The following CCL17 variants were observed in gnomAD, a reference collection of about 807,000 sequenced individuals.
CCL17 encodes the protein C-C motif chemokine 17.
Under a neutral mutation model 7.4 loss-of-function variants are expected in CCL17, and 8 were observed. The observed-to-expected ratio is 1.09, with a 90% confidence interval of 0.64 to 1.96. The LOEUF is 1.96. Ranked by LOEUF, CCL17 falls within the 30% of genes most tolerant of loss-of-function variation. The pLI is 0.00. For missense variants in CCL17, 102 were observed against 113.0 expected, an observed-to-expected ratio of 0.90 and a Z score of 0.44; for synonymous variants, 40 against 46.1, an observed-to-expected ratio of 0.87 and a Z score of 0.54.
chr16:57,410,124 G>C (rs1010532924), intron 1 of CCL17, among the ~76,000 whole-genome samples: 48 of 152,302 alleles, frequency 3.2e-4, no homozygotes, highest in Middle Eastern at 3.4e-3. Flanking sequence ...CCAGCCGCTT[G>C]GCTGCCCTGT....
chr16:57,399,432 C>T, the CCL17 span, among the ~76,000 whole-genome samples: 1 of 152,154 alleles, frequency 6.6e-6, no homozygotes, highest in South Asian at 2.1e-4. Context: ...AAGACATTGA[C>T]CTTCTTTTTT....
intron 1 of CCL17, among the ~76,000 whole-genome samples, chr16:57,407,265 A>G (rs1426396740): frequency 6.6e-6 from 1 of 152,154 alleles, no homozygotes; most frequent in African/African-American, 2.4e-5. Flanking sequence ...CTCTGGGATG[A>G]ATAAAGGTTG....
Position 57,415,331 on chromosome 16 carries a change from C to A in CCL17, c.188+133C>A, listed in dbSNP as rs1598014940. Reference sequence around the variant, plus strand: ...CTTCCTCCCCAACCCCTGCAGGCTCCCCACACTGTGGGACCCAAAAGGGCC... The same window carrying A: ...CTTCCTCCCCAACCCCTGCAGGCTCACCACACTGTGGGACCCAAAAGGGCC... On this transcript the variant is annotated intron_variant, in intron 3 of 3. Transcript: ENST00000219244. This position sits in a 1 kb window ranked among gnomAD's most constrained non-coding sequence, Gnocchi z 4.5. 1.0e-5 allele frequency: 7 copies of A among 675,028 alleles called. No individual in the cohort carries two copies. The East Asian group carries it at 1.8e-4, about 18-fold the overall frequency. The allele number at this position is 675,028 out of a possible 1,614,324, so 41.8% of individuals were successfully genotyped here. A position where few individuals can be genotyped will look rare whatever the true frequency, so the allele number is the denominator to read the frequency against.
At chr16:57,410,490 A>G (rs1205493083) in intron 1 of CCL17, among the ~76,000 whole-genome samples, 2 of 152,070 alleles carry the variant, frequency 1.3e-5, no homozygotes, top group African/African-American at 4.8e-5. Context: ...TCCTTTGGCC[A>G]CAGCACTCTC....
In CCL17 at chr16:57,411,198, A is replaced by C. The variant is rs530758395; in HGVS notation, c.-59-2676A>C. The stretch of plus-strand genomic sequence containing the variant: ...CCCAGTCTATGCCCCAAAGCCCTTT[A>C]ATCTCACCTGCATGTCCCTATGAGG... On this transcript the variant is annotated intron_variant, in intron 1 of 3. Coordinates refer to ENST00000219244, the MANE Select transcript of CCL17 (RefSeq NM_002987.3). Among the ~76,000 whole-genome samples, 6 of 152,246 alleles carry C rather than the reference A, an allele frequency of 3.9e-5. No homozygotes were observed. The South Asian group carries it at 1.2e-3, about 32-fold the overall frequency.
chr16:57,397,266 T>C, the CCL17 span, among the ~76,000 whole-genome samples: 1 of 152,170 alleles, frequency 6.6e-6, no homozygotes, highest in Non-Finnish European at 1.5e-5. Context: ...GCCCTGTAAA[T>C]AGGGATTTGG....
At chr16:57,406,159 C>T (rs1894700028) in intron 1 of CCL17, among the ~76,000 whole-genome samples, 1 of 152,176 alleles carries the variant, frequency 6.6e-6, no homozygotes, top group Non-Finnish European at 1.5e-5. Flanking sequence ...CAGGCTTGCT[C>T]CTGCCACCAG....
At chr16:57,397,004 T>A in the CCL17 span, among the ~76,000 whole-genome samples, 1 of 152,222 alleles carries the variant, frequency 6.6e-6, no homozygotes, top group African/African-American at 2.4e-5. Flanking sequence ...ATTAGGACTT[T>A]AACCACTTCC....
chr16:57,398,820 AT>A, the CCL17 span, among the ~76,000 whole-genome samples: 1 of 152,220 alleles, frequency 6.6e-6, no homozygotes, highest in African/African-American at 2.4e-5. Context: ...AAAGTAAATC[AT>A]CCACATACTG....
At chr16:57,403,469 T>TATATTATATTATAA (rs1567561055), upstream of CCL17, among the ~76,000 whole-genome samples, 2 of 6,884 alleles carry the variant, frequency 2.9e-4, 1 homozygote, top group Non-Finnish European at 4.9e-4. Context: ...ATATATTATA[T>TATATTATATTATAA]TATATATATT....
upstream of CCL17, among the ~76,000 whole-genome samples, chr16:57,402,073 A>G (rs531787165): frequency 2.0e-5 from 3 of 152,256 alleles, no homozygotes; most frequent in Non-Finnish European, 2.9e-5. Context: ...AAAGCCCCAC[A>G]GTGCAGAGGG....
intron 2 of CCL17, among the ~76,000 whole-genome samples, chr16:57,414,648 T>C (rs994551740): frequency 2.0e-5 from 3 of 152,048 alleles, no homozygotes; most frequent in African/African-American, 7.2e-5. Flanking sequence ...CCACCCGCCT[T>C]GGCCTCCCAA....
intron 1 of CCL17, among the ~76,000 whole-genome samples, chr16:57,406,926 G>T (rs1204288861): frequency 6.6e-6 from 1 of 152,174 alleles, no homozygotes; most frequent in Admixed American, 6.5e-5. Flanking sequence ...GCAGTGGGAG[G>T]TTCAGGGAGT....
chr16:57,408,387 C>T (rs1186465543), intron 1 of CCL17, among the ~76,000 whole-genome samples: 1 of 151,952 alleles, frequency 6.6e-6, no homozygotes, highest in South Asian at 2.1e-4. Context: ...TCCATACAAC[C>T]ACTCACCTAT....
At chr16:57,404,590 C>T (rs1341117774), upstream of CCL17, among the ~76,000 whole-genome samples, 3 of 151,830 alleles carry the variant, frequency 2.0e-5, no homozygotes, top group South Asian at 2.1e-4. Flanking sequence ...GGCAGCTGGA[C>T]GTAGAAGGAG....
At chr16:57,403,430 ATATTATAATATATATAT>A (rs1902631114), upstream of CCL17, among the ~76,000 whole-genome samples, 2 of 16,346 alleles carry the variant, frequency 1.2e-4, no homozygotes, top group Admixed American at 1.2e-3. Flanking sequence ...ATTATAATAT[ATATTATAATATATATAT>A]TATATTATAA....
In CCL17 at chr16:57,415,913, C is replaced by G; in HGVS notation, c.*52C>G. 2 of 1,256,974 alleles carry G rather than the reference C, an allele frequency of 1.6e-6. No individual in the cohort carries two copies. The highest frequency in any genetic ancestry group is 2.3e-6 in the Non-Finnish European group (2 of 856,398). The allele number at this position is 1,256,974 out of a possible 1,614,324, so 77.9% of individuals were successfully genotyped here. A position where few individuals can be genotyped will look rare whatever the true frequency, so the allele number is the denominator to read the frequency against. ...GTCTCCCGGGACTACCTGGGACCTCCACCGTTGGTGTTCACCGCCCCCACC... is the reference window on the plus strand; with the variant it reads ...GTCTCCCGGGACTACCTGGGACCTCGACCGTTGGTGTTCACCGCCCCCACC... On this transcript the variant is annotated 3_prime_UTR_variant, in exon 4 of 4. Coordinates refer to ENST00000219244, the MANE Select transcript of CCL17 (RefSeq NM_002987.3). This position sits in a 1 kb window ranked among gnomAD's most constrained non-coding sequence, Gnocchi z 4.5.
At chr16:57,399,041 C>A in the CCL17 span, among the ~76,000 whole-genome samples, 1 of 152,176 alleles carries the variant, frequency 6.6e-6, no homozygotes, top group Non-Finnish European at 1.5e-5. Context: ...GAACAGTGAA[C>A]AATTCTGCTT....
intron 2 of CCL17, 95 bp from the exon 3 acceptor site, chr16:57,414,986 C>T (rs1346184344): frequency 1.0e-5 from 8 of 780,542 alleles, no homozygotes; most frequent in East Asian, 9.8e-5. Context: ...CACATGGACA[C>T]GCACATGCAG....
Sources: gnomAD v4.1 joint callset for allele counts (sites outside exome capture counted in the v4.1 genomes callset) on GRCh38, gnomAD v4.1.1 for gene constraint, Gnocchi (gnomAD v3.1) non-coding constraint, MANE v1.5 for transcripts, NCBI Gene and HGNC (gene_info 2026-07-23, HGNC 2026-07-21) for gene names.